The following TJP3 variants were observed in gnomAD, a reference collection of about 807,000 sequenced individuals.
TJP3 encodes the protein tight junction protein ZO-3.
Under a neutral mutation model 104.2 loss-of-function variants are expected in TJP3, and 85 were observed. The ratio of observed to expected loss-of-function variants is 0.82; its 90% CI spans 0.68 to 0.98. The LOEUF is 0.98. TJP3 is among the 50% of genes least tolerant of loss of function. The pLI is 0.00. For missense variants in TJP3, 1,367 were observed against 1,322.8 expected (o/e 1.03, Z -0.52); for synonymous variants, 550 against 550.6 (o/e 1.00, Z 0.02).
At chr19:3,747,522 T>C (rs1003378333) in intron 18 of TJP3, among the ~76,000 whole-genome samples, 2 of 152,080 alleles carry the variant, frequency 1.3e-5, no homozygotes, top group African/African-American at 4.8e-5. Flanking sequence ...CAACAGAGAC[T>C]CCTTCTCATA....
chr19:3,730,074 G>A lies in TJP3; in HGVS notation c.205G>A (p.Ala69Thr). ...GGTGAACGGGGTTTCCATGGAGAAT[G>A]CCACCTCCGCGTTTGCCATTCAGAT... ...VMVNGVSMEN[A>T]TSAFAIQILK... The change falls in exon 4 of 21, where the codon GCC becomes ACC. Residue 69 changes from alanine (A) to threonine (T), a missense_variant. Coordinates refer to ENST00000541714, the MANE Select transcript of TJP3 (RefSeq NM_001267560.2). The surrounding 1 kb of genome is among the most constrained non-coding windows in gnomAD (Gnocchi z 7.3). The A allele has an allele frequency of 6.2e-7, 1 of 1,614,090 alleles. No homozygotes were observed.
In TJP3 at chr19:3,750,643, G is replaced by A. The variant is rs776872951; in HGVS notation, c.2719G>A (p.Asp907Asn). The stretch of plus-strand genomic sequence containing the variant: ...GCGAGTACATGATGCGGAGTCCTCC[G>A]ATGAAGACGGCTATGACTGGGGTCC... Reference protein sequence around the residue: ...FMRVHDAESSDEDGYDWGPAT... With the variant: ...FMRVHDAESSNEDGYDWGPAT... The change falls in exon 21 of 21, where the codon GAT becomes AAT. Residue 907 changes from aspartate to asparagine, a missense_variant. Asp to Asn is a conservative substitution (Grantham distance 23, BLOSUM62 1). Coordinates refer to ENST00000541714, the MANE Select transcript of TJP3 (RefSeq NM_001267560.2). The A allele has an allele frequency of 3.0e-5, 48 of 1,607,848 alleles. No homozygotes were observed. Among genetic ancestry groups the A allele is most frequent in the African/African-American group, 1.9e-4 (14 of 74,984 alleles).
intron 11 of TJP3, among the ~76,000 whole-genome samples, chr19:3,737,072 G>T (rs2036748083): frequency 6.6e-6 from 1 of 151,504 alleles, no homozygotes; most frequent in Non-Finnish European, 1.5e-5. Context: ...TAGAGACAGG[G>T]TTTCACCATG....
chr19:3,728,752 A>G, intron 3 of TJP3, 39 bp downstream of exon 3: 1 of 1,602,654 alleles, frequency 6.2e-7, no homozygotes, highest in South Asian at 1.1e-5. Flanking sequence ...GGGGGAGGGC[A>G]CGTGGAGAGG....
chr19:3,724,919 G>A (rs2036582066), intron 1 of TJP3, among the ~76,000 whole-genome samples: 1 of 152,080 alleles, frequency 6.6e-6, no homozygotes, highest in Non-Finnish European at 1.5e-5. Flanking sequence ...AATAAGCTCA[G>A]AAGAAAAAGA....
chr19:3,738,157 C>T (rs910384808), intron 11 of TJP3, among the ~76,000 whole-genome samples: 1 of 152,158 alleles, frequency 6.6e-6, no homozygotes, highest in Non-Finnish European at 1.5e-5. Flanking sequence ...GTCCATATAT[C>T]GTTGTCCCTG....
chr19:3,741,215 C>T (rs1288615510), intron 14 of TJP3, among the ~76,000 whole-genome samples: 1 of 151,892 alleles, frequency 6.6e-6, no homozygotes, highest in African/African-American at 2.4e-5. Context: ...GTTGGCCAGG[C>T]TGGTCTTGAA....
Position 3,746,975 on chromosome 19 carries a change from C to A in TJP3, c.2322+99C>A, listed in dbSNP as rs1167011511. On this transcript the variant is annotated intron_variant, in intron 18 of 20. Coordinates refer to ENST00000541714, the MANE Select transcript of TJP3 (RefSeq NM_001267560.2). The surrounding 1 kb of genome is among the most constrained non-coding windows in gnomAD (Gnocchi z 4.1). ...CCTCTGTCGGGAGTTAGGGCTTGGT[C>A]AGGGATCAGGACTGTGGCCAGAGTC... is the stretch of plus-strand genomic sequence containing the variant. 31 of 1,177,874 alleles carry A rather than the reference C, an allele frequency of 2.6e-5. No homozygotes were observed. In the Middle Eastern group the frequency reaches 2.2e-3, roughly 84 times the overall value. 73.0% of individuals were successfully genotyped at this position (1,177,874 alleles called of 1,614,324 possible).
At chr19:3,745,133 C>CTTTTTTTTTTTTT (rs549831017) in intron 15 of TJP3, among the ~76,000 whole-genome samples, 8 of 70,046 alleles carry the variant, frequency 1.1e-4, no homozygotes, top group African/African-American at 4.4e-4. Flanking sequence ...AATTTTATGT[C>CTTTTTTTTTTTTT]TTTTTTTTTT....
At chr19:3,723,066 G>T (rs567602201) in intron 1 of TJP3, among the ~76,000 whole-genome samples, 27 of 152,308 alleles carry the variant, frequency 1.8e-4, no homozygotes, top group African/African-American at 6.5e-4. Flanking sequence ...CACCTGTTGA[G>T]CACCTGGCCA....
chr19:3,711,748 A>AAAAAAAAAAG (rs377487730), intron 1 of TJP3, among the ~76,000 whole-genome samples: 3 of 128,162 alleles, frequency 2.3e-5, no homozygotes, highest in African/African-American at 6.0e-5. Context: ...AAAAAAAAAA[A>AAAAAAAAAAG]AAAGGTGCTT....
chr19:3,736,414 A>G (rs2036740970), intron 11 of TJP3, 93 bp downstream of exon 11: 1 of 1,303,392 alleles, frequency 7.7e-7, no homozygotes, highest in African/African-American at 1.5e-5. Flanking sequence ...CCTTGGGTCC[A>G]CCTGGGGACT....
Position 3,740,735 on chromosome 19 carries a change from G to T in TJP3, c.1815G>T (p.Pro605=). Residue 605 remains proline, a synonymous_variant, in exon 14 of 21, where the codon CCG becomes CCT. Transcript: ENST00000541714. ...LSALTRQGRY[P]PYERVVLREA... is the part of the protein sequence containing the mutation. Reference sequence around the variant, plus strand: ...CTCTGACCCGACAGGGCCGCTACCCGCCCTACGAACGAGTGGTGTTGCGAG... The same window carrying T: ...CTCTGACCCGACAGGGCCGCTACCCTCCCTACGAACGAGTGGTGTTGCGAG... 1 of 1,593,596 alleles carries T rather than the reference G, an allele frequency of 6.3e-7. No individual in the cohort carries two copies. Among genetic ancestry groups the T allele is most frequent in the Non-Finnish European group, 8.5e-7 (1 of 1,170,872 alleles).
intron 3 of TJP3, 62 bp downstream of exon 3, chr19:3,728,775 A>G: frequency 6.4e-7 from 1 of 1,550,786 alleles, no homozygotes; most frequent in Middle Eastern, 1.7e-4. Flanking sequence ...AAACCAGGCC[A>G]GGCACAGTGA....
intron 6 of TJP3, among the ~76,000 whole-genome samples, 165 bp downstream of exon 6, chr19:3,732,203 C>T (rs1459193859): frequency 1.3e-5 from 2 of 152,126 alleles, no homozygotes; most frequent in African/African-American, 4.8e-5. Context: ...CATAAAACCC[C>T]CTTTTTCCCC....
Position 3,743,795 on chromosome 19 carries a change from G to A in TJP3, c.1844-144G>A. On this transcript the variant is annotated intron_variant, in intron 14 of 20. Transcript: ENST00000541714. ...GCTAACCTAGCTGCAAAGGACACTG[G>A]GAGATGTAGTATTTGGCTGGGTAGC... 7.4e-6 allele frequency: 5 copies of A among 676,614 alleles called. No individual in the cohort carries two copies. In the South Asian group the frequency reaches 9.4e-5, roughly 13 times the overall value. The allele number at this position is 676,614 out of a possible 1,614,324, so 41.9% of individuals were successfully genotyped here.
intron 7 of TJP3, 95 bp from the exon 8 acceptor site, chr19:3,734,232 C>G: frequency 7.6e-7 from 1 of 1,323,584 alleles, no homozygotes; most frequent in Non-Finnish European, 1.1e-6. Context: ...GGTCTAGGGC[C>G]CTTTGTTTAG....
At chr19:3,724,276 A>G (rs1259291361) in intron 1 of TJP3, among the ~76,000 whole-genome samples, 1 of 149,070 alleles carries the variant, frequency 6.7e-6, no homozygotes, top group South Asian at 2.2e-4. Flanking sequence ...GCTCACTGCA[A>G]GCTCCGCCTC....
intron 1 of TJP3, among the ~76,000 whole-genome samples, chr19:3,723,273 G>T (rs934837615): frequency 1.6e-4 from 25 of 152,160 alleles, no homozygotes; most frequent in Non-Finnish European, 3.4e-4. Context: ...TGTATGATAT[G>T]CGTACGGAGG....
Sources: gnomAD v4.1 joint callset for allele counts (sites outside exome capture counted in the v4.1 genomes callset) on GRCh38, gnomAD v4.1.1 for gene constraint, Gnocchi (gnomAD v3.1) non-coding constraint, MANE v1.5 for transcripts, NCBI Gene and HGNC (gene_info 2026-07-23, HGNC 2026-07-21) for gene names.